The following PEAK1 variants were observed in gnomAD, a reference collection of about 807,000 sequenced individuals.
The protein encoded by PEAK1 is pseudopodium enriched atypical kinase 1.
A neutral mutation model predicts 124.7 loss-of-function variants in PEAK1; 54 were observed. The ratio of observed to expected loss-of-function variants is 0.43; its 90% confidence interval spans 0.35 to 0.54. PEAK1 has a LOEUF of 0.54. Ranked by LOEUF, PEAK1 falls within the 20% of genes least tolerant of loss-of-function variation. The pLI, the probability that PEAK1 is intolerant of heterozygous loss-of-function variation, is 0.01. For synonymous variants in PEAK1, 719 were observed against 760.0 expected (o/e 0.95, Z 0.89); for missense variants, 2,046 against 2,134.5 (o/e 0.96, Z 0.82).
At chr15:77,388,426 T>C (rs996881881) in intron 1 of PEAK1, among the ~76,000 whole-genome samples, 1 of 152,202 alleles carries the variant, frequency 6.6e-6, no homozygotes, top group African/African-American at 2.4e-5. Context: ...ATAGTTGCAG[T>C]TGCTATTCAG....
chr15:77,309,276 A>T (rs1368649774), intron 2 of PEAK1, among the ~76,000 whole-genome samples: 1 of 152,084 alleles, frequency 6.6e-6, no homozygotes, highest in Non-Finnish European at 1.5e-5. Context: ...TATGCTTAGG[A>T]CTTTGAAGTT....
chr15:77,162,883 G>A (rs993586511), intron 7 of PEAK1, among the ~76,000 whole-genome samples: 27 of 152,250 alleles, frequency 1.8e-4, no homozygotes, highest in African/African-American at 6.5e-4. Flanking sequence ...ATGTTAGCAC[G>A]TCTTAAAATG....
intron 2 of PEAK1, chr15:77,334,540 A>T (rs2066079025): frequency 1.0e-6 from 1 of 985,324 alleles, no homozygotes; most frequent in South Asian, 4.7e-5. Flanking sequence ...GCGAGAATTT[A>T]TGGGTTGGTT....
rs1490496279 is a variant in PEAK1, at chr15:77,231,528, T to C, written c.-115+20839A>G. On this transcript the variant is annotated intron_variant, in intron 6 of 9. Transcript: ENST00000682557. ...GCAGAATTAGGTATAACTCAGGTAATTAAAGATAACATCTTCCCTTTGGTT... is the reference window on the plus strand; with the variant it reads ...GCAGAATTAGGTATAACTCAGGTAACTAAAGATAACATCTTCCCTTTGGTT... Among the ~76,000 whole-genome samples, 3 of 152,184 alleles carry C rather than the reference T, an allele frequency of 2.0e-5. No individual in the cohort carries two copies. In the East Asian group the frequency reaches 5.8e-4, roughly 29 times the overall value.
chr15:77,238,280 T>C (rs2060208997), intron 6 of PEAK1, among the ~76,000 whole-genome samples: 1 of 152,178 alleles, frequency 6.6e-6, no homozygotes, highest in Non-Finnish European at 1.5e-5. Context: ...GCATCCAGCA[T>C]TAGTAATTAT....
chr15:77,393,337 C>G lies in PEAK1; in HGVS notation c.-666+26669G>C, dbSNP rs576571887. The stretch of plus-strand genomic sequence containing the variant: ...GAACTCCACTCCCCACACTGTCCCC[C>G]ACAACCCCAGGCGGTGCAGCTTGCA... On this transcript the variant is annotated intron_variant, in intron 1 of 9. Transcript: ENST00000682557. Among the ~76,000 whole-genome samples, 29 of 152,314 alleles carry G rather than the reference C, an allele frequency of 1.9e-4. No homozygotes were observed. In the South Asian group the frequency reaches 2.5e-3, roughly 13 times the overall value.
At position 77,247,471 on chromosome 15, in the gene PEAK1, TTTTCTTTTCTTTTC is replaced by T. The variant is rs1446819904; in HGVS notation, c.-115+4882_-115+4895del. On this transcript the variant is annotated intron_variant, in intron 6 of 9. Transcript: ENST00000682557. ...GGGTTTTTAATTTTTTTTTTCTCTTTTTTCTTTTCTTTTCTTTTTTTTTTTTTTTTTTTTTGAGA... is the reference window on the plus strand; with the variant it reads ...GGGTTTTTAATTTTTTTTTTCTCTTTTTTTTTTTTTTTTTTTTTTTTGAGA... Among the ~76,000 whole-genome samples the T allele has an allele frequency of 3.7e-5, 4 of 108,090 alleles. No individual in the cohort carries two copies. In the East Asian group the frequency reaches 1.2e-3, roughly 33 times the overall value. 70.9% of individuals were successfully genotyped at this position (108,090 alleles called of 152,430 possible).
chr15:77,418,962 A>G (rs2073116802), intron 1 of PEAK1: 1 of 985,192 alleles, frequency 1.0e-6, no homozygotes, highest in Non-Finnish European at 1.2e-6. Context: ...CTTTTATGTA[A>G]GTCTCTAAGT....
intron 2 of PEAK1, among the ~76,000 whole-genome samples, chr15:77,327,859 T>C (rs2065671486): frequency 6.6e-6 from 1 of 151,920 alleles, no homozygotes; most frequent in African/African-American, 2.4e-5. Context: ...ATTTTGAAGA[T>C]TTAAGAATTA....
chr15:77,342,169 A>C (rs886805636), intron 2 of PEAK1, among the ~76,000 whole-genome samples: 1 of 151,208 alleles, frequency 6.6e-6, no homozygotes, highest in Non-Finnish European at 1.5e-5. Context: ...AAAAAAAAAA[A>C]AAAACACACA....
chr15:77,380,737 C>A (rs1465473733), intron 1 of PEAK1, among the ~76,000 whole-genome samples: 1 of 152,116 alleles, frequency 6.6e-6, no homozygotes. Context: ...CCTCAGCCTC[C>A]CAAATTGCAG....
intron 2 of PEAK1, among the ~76,000 whole-genome samples, chr15:77,303,895 A>G (rs2063922919): frequency 6.6e-6 from 1 of 152,206 alleles, no homozygotes. Context: ...ATTATTGCAT[A>G]AATTATAAGG....
chr15:77,226,714 T>C (rs759994705), intron 6 of PEAK1, among the ~76,000 whole-genome samples: 1 of 152,098 alleles, frequency 6.6e-6, no homozygotes, highest in East Asian at 1.9e-4. Context: ...TCTTCATAAG[T>C]CAAGATGAAA....
At chr15:77,392,017 A>C (rs1038271082) in intron 1 of PEAK1, among the ~76,000 whole-genome samples, 3 of 152,226 alleles carry the variant, frequency 2.0e-5, no homozygotes, top group African/African-American at 7.2e-5. Context: ...ACCAAAGTGC[A>C]AAACTATGAT....
chr15:77,178,929 G>A lies in PEAK1; in HGVS notation c.2998C>T (p.Leu1000Phe). 1 of 1,614,082 alleles carries A rather than the reference G, an allele frequency of 6.2e-7. No individual in the cohort carries two copies. Among genetic ancestry groups the A allele is most frequent in the Non-Finnish European group, 8.5e-7 (1 of 1,180,006 alleles). Residue 1000 changes from leucine to phenylalanine, a missense_variant, in exon 7 of 10, where the codon CTC becomes TTC. By Grantham distance (22) the Leu-to-Phe change is conservative. Transcript: ENST00000682557. ...MYRCDPAQGQ[L>F]SVDQSKARTD... ...CTAGCCTTGCTCTGATCCACACTGA[G>A]CTGGCCTTGAGCAGGGTCGCACCTG...
intron 6 of PEAK1, among the ~76,000 whole-genome samples, chr15:77,239,526 A>T (rs2152907992): frequency 6.6e-6 from 1 of 152,364 alleles, no homozygotes; most frequent in South Asian, 2.1e-4. Flanking sequence ...TAATATAAGA[A>T]GAGAGACTAG....
At chr15:77,184,901 C>A (rs1253999756) in intron 6 of PEAK1, among the ~76,000 whole-genome samples, 1 of 126,082 alleles carries the variant, frequency 7.9e-6, no homozygotes, top group Non-Finnish European at 1.8e-5. Flanking sequence ...ACTCATAGAA[C>A]TACGCACTTA....
intron 5 of PEAK1, among the ~76,000 whole-genome samples, chr15:77,254,150 T>C (rs1238693171): frequency 2.0e-5 from 3 of 152,126 alleles, no homozygotes; most frequent in Admixed American, 6.5e-5. Context: ...GCGACTATTA[T>C]ATGTCTAGAT....
chr15:77,395,343 C>T (rs775123466), intron 1 of PEAK1, among the ~76,000 whole-genome samples: 6 of 151,994 alleles, frequency 3.9e-5, no homozygotes, highest in East Asian at 3.9e-4. Context: ...AGAGTTATTG[C>T]GCTTAAAGAG....
Sources: allele counts gnomAD v4.1 joint callset (sites outside exome capture counted in the v4.1 genomes callset), GRCh38; gene constraint gnomAD v4.1.1; transcripts MANE v1.5; gene names NCBI Gene and HGNC (gene_info 2026-07-23, HGNC 2026-07-21).